The following PCDHA7 variants were observed in gnomAD, a reference collection of about 807,000 sequenced individuals.
PCDHA7 encodes the protein protocadherin alpha 7.
PCDHA7 carries 37 observed loss-of-function variants against 57.2 expected under a neutral mutation model. The ratio of observed to expected loss-of-function variants is 0.65; its 90% CI spans 0.50 to 0.85. PCDHA7 has a LOEUF of 0.85. Ranked by LOEUF, PCDHA7 falls within the 40% of genes least tolerant of loss-of-function variation. The pLI is 0.00. For missense variants in PCDHA7, 1,188 were observed against 1,241.8 expected, an observed-to-expected ratio of 0.96 and a Z score of 0.65; for synonymous variants, 553 against 558.8, an observed-to-expected ratio of 0.99 and a Z score of 0.15.
At chr5:140,917,665 T>C (rs1174470921) in intron 1 of PCDHA7, among the ~76,000 whole-genome samples, 4 of 152,220 alleles carry the variant, frequency 2.6e-5, no homozygotes, top group African/African-American at 9.6e-5. Flanking sequence ...AGGAAGTCCT[T>C]TCTCCATTGC....
At chr5:140,900,626 T>C (rs958637463) in intron 1 of PCDHA7, among the ~76,000 whole-genome samples, 6 of 152,230 alleles carry the variant, frequency 3.9e-5, no homozygotes, top group Non-Finnish European at 7.3e-5. Flanking sequence ...TGCTTCCAAA[T>C]CTTGGCTATT....
chr5:140,877,507 T>G, intron 1 of PCDHA7: 1 of 1,613,744 alleles, frequency 6.2e-7, no homozygotes, highest in Non-Finnish European at 8.5e-7. Flanking sequence ...CCCAAAGACG[T>G]CGTCGCGGGC....
At chr5:140,985,062 T>C (rs2097134097) in intron 3 of PCDHA7, among the ~76,000 whole-genome samples, 1 of 152,058 alleles carries the variant, frequency 6.6e-6, no homozygotes, top group African/African-American at 2.4e-5. Flanking sequence ...CTCAGCCTCC[T>C]GAGTAGCTGA....
intron 1 of PCDHA7, chr5:140,864,379 T>G (rs991413766): frequency 6.6e-6 from 1 of 152,364 alleles, no homozygotes; most frequent in African/African-American, 2.4e-5. Flanking sequence ...TCGATAAGTT[T>G]ATCTCTCACA....
At chr5:140,863,304 C>T in intron 1 of PCDHA7, 1 of 1,463,904 alleles carries the variant, frequency 6.8e-7, no homozygotes, top group Non-Finnish European at 9.3e-7. Context: ...TCATCGCCAT[C>T]TGCGTGGTGT....
chr5:140,849,396 G>A (rs1554142933), intron 1 of PCDHA7: 1 of 1,544,756 alleles, frequency 6.5e-7, no homozygotes, highest in Non-Finnish European at 8.8e-7. Context: ...CTTAAGTGGG[G>A]CAATCACAGT....
At chr5:141,007,522 C>T (rs1475001472) in intron 3 of PCDHA7, among the ~76,000 whole-genome samples, 1 of 151,940 alleles carries the variant, frequency 6.6e-6, no homozygotes, top group Non-Finnish European at 1.5e-5. Context: ...GAGCTGATAT[C>T]TCGCCACTGC....
At chr5:140,952,476 G>A (rs1231361903) in intron 1 of PCDHA7, among the ~76,000 whole-genome samples, 1 of 152,148 alleles carries the variant, frequency 6.6e-6, no homozygotes, top group East Asian at 1.9e-4. Context: ...TAAGGAAAGT[G>A]ACATTTGCTC....
chr5:140,905,980 G>A (rs2072263534), intron 1 of PCDHA7, among the ~76,000 whole-genome samples: 1 of 152,178 alleles, frequency 6.6e-6, no homozygotes, highest in Non-Finnish European at 1.5e-5. Context: ...CAGCATGGGA[G>A]AAAGATGTAG....
rs2150225728 is a variant in PCDHA7 at position 140,834,759 on chromosome 5, A to G, written c.376A>G (p.Ile126Val). The part of the protein sequence containing the change: ...VFHVDVEVKD[I>V]NDNPPVFPAT... The stretch of plus-strand genomic sequence containing the variant: ...CCATGTGGACGTGGAGGTGAAGGAC[A>G]TTAACGACAACCCTCCGGTGTTCCC... The change falls in exon 1 of 4, where the codon ATT (isoleucine) becomes GTT (valine). Residue 126 changes from isoleucine (I) to valine (V), a missense_variant. Around this residue, in one of 3 missense-constraint regions of PCDHA7, gnomAD observed 194 missense variants for 185.8 expected, o/e 1.04. Coordinates refer to ENST00000525929, the MANE Select transcript of PCDHA7 (RefSeq NM_018910.3). The G allele has an allele frequency of 5.0e-6, 8 of 1,614,036 alleles. No homozygotes were observed. Among genetic ancestry groups the G allele is most frequent in the Non-Finnish European group, 6.8e-6 (8 of 1,180,040 alleles).
intron 1 of PCDHA7, chr5:140,969,516 A>G: frequency 1.4e-6 from 2 of 1,410,726 alleles, no homozygotes; most frequent in Non-Finnish European, 1.9e-6. Flanking sequence ...GCACTAAAGA[A>G]TTGTTTTATT....
intron 1 of PCDHA7, among the ~76,000 whole-genome samples, chr5:140,946,167 T>C (rs2153672434): frequency 6.6e-6 from 1 of 151,842 alleles, no homozygotes; most frequent in South Asian, 2.1e-4. Context: ...AAAAGATGGG[T>C]AAAGGATGTG....
At chr5:140,877,789 A>G (rs2057339151) in intron 1 of PCDHA7, 1 of 1,613,954 alleles carries the variant, frequency 6.2e-7, no homozygotes, top group Non-Finnish European at 8.5e-7. Context: ...CATGGCCTTC[A>G]GCCCAAGCCT....
At chr5:140,997,668 T>TTGTGTGTGTG (rs35184029) in intron 3 of PCDHA7, among the ~76,000 whole-genome samples, 47 of 148,344 alleles carry the variant, frequency 3.2e-4, no homozygotes, top group East Asian at 1.8e-3. Flanking sequence ...ATTATACAGC[T>TTGTGTGTGTG]TGTGTGTGTG....
intron 1 of PCDHA7, among the ~76,000 whole-genome samples, chr5:140,934,702 C>T (rs538683438): frequency 1.3e-5 from 2 of 152,158 alleles, no homozygotes; most frequent in South Asian, 4.2e-4. Context: ...GATTCCTGGC[C>T]ATCTTACAAA....
chr5:140,923,974 C>G (rs2081604148), intron 1 of PCDHA7, among the ~76,000 whole-genome samples: 1 of 152,212 alleles, frequency 6.6e-6, no homozygotes, highest in South Asian at 2.1e-4. Context: ...CCCACACATA[C>G]TATCCCTCTA....
chr5:140,980,856 G>GT (rs2096908809), intron 2 of PCDHA7, among the ~76,000 whole-genome samples: 1 of 151,886 alleles, frequency 6.6e-6, no homozygotes, highest in Admixed American at 6.6e-5. Context: ...AATCTTTTTC[G>GT]TATGTGTGCT....
intron 1 of PCDHA7, among the ~76,000 whole-genome samples, chr5:140,840,023 C>T (rs1776518555): frequency 6.6e-6 from 1 of 151,996 alleles, no homozygotes; most frequent in African/African-American, 2.4e-5. Flanking sequence ...CTCATGGTCA[C>T]GTAGCGTATC....
Position 141,010,188 on chromosome 5 carries a change from T to A in PCDHA7, c.*251T>A. ...CAGAACCTAAAAAGCAGACCCAAGT[T>A]TCCTTTCTCCTCCGCCGCAAAGGAG... is the stretch of plus-strand genomic sequence containing the variant. On this transcript the variant is annotated 3_prime_UTR_variant, in exon 4 of 4. Coordinates refer to ENST00000525929, the MANE Select transcript of PCDHA7 (RefSeq NM_018910.3). 6.4e-7 allele frequency: 1 copy of A among 1,553,070 alleles called. No individual in the cohort carries two copies. The highest frequency in any genetic ancestry group is 1.2e-5 in the South Asian group (1 of 84,340).
Sources: allele counts gnomAD v4.1 joint callset (sites outside exome capture counted in the v4.1 genomes callset), GRCh38; gene constraint gnomAD v4.1.1; regional missense constraint gnomAD v4.1.1; transcripts MANE v1.5; gene names NCBI Gene and HGNC (gene_info 2026-07-23, HGNC 2026-07-21).